Variants in CAST observed in about 807,000 individuals in gnomAD.
CAST encodes the protein calpastatin, also known as MIR583 host.
In CAST, 76 loss-of-function variants were observed where a neutral mutation model predicts 119.6. The ratio of observed to expected loss-of-function variants is 0.64; its 90% CI spans 0.53 to 0.77. CAST has a LOEUF of 0.77. Among genes scored for constraint, CAST ranks in the 30% least tolerant of loss-of-function variants. CAST has a pLI of 0.00. For missense variants in CAST, 953 were observed against 946.5 expected, an observed-to-expected ratio of 1.01 and a Z score of -0.09; for synonymous variants, 319 against 331.6, an observed-to-expected ratio of 0.96 and a Z score of 0.41.
At chr5:95,975,456 G>A in the CAST span, among the ~76,000 whole-genome samples, 6 of 152,200 alleles carry the variant, frequency 3.9e-5, no homozygotes, top group Middle Eastern at 3.4e-3. Context: ...ACCCTGACTC[G>A]TTTCTCAAAA....
the CAST span, among the ~76,000 whole-genome samples, chr5:96,413,171 C>T: frequency 6.6e-6 from 1 of 152,186 alleles, no homozygotes; most frequent in Non-Finnish European, 1.5e-5. Context: ...AACATGCTTC[C>T]TATTCTTCTA....
At chr5:96,681,833 C>T (rs934709866) in intron 2 of CAST, among the ~76,000 whole-genome samples, 1 of 148,602 alleles carries the variant, frequency 6.7e-6, no homozygotes, top group Admixed American at 6.7e-5. Flanking sequence ...TTCATTATTT[C>T]TTTAATTATT....
the CAST span, among the ~76,000 whole-genome samples, chr5:96,152,108 G>A: frequency 6.6e-6 from 1 of 152,206 alleles, no homozygotes; most frequent in Non-Finnish European, 1.5e-5. Flanking sequence ...TTATGTGTAA[G>A]AGATAGAAAA....
the CAST span, among the ~76,000 whole-genome samples, chr5:96,362,102 C>A: frequency 3.3e-5 from 5 of 151,884 alleles, no homozygotes; most frequent in African/African-American, 4.8e-5. Flanking sequence ...TCTGTCCTTG[C>A]GATAGTTTGC....
At chr5:96,661,248 C>T (rs780065207), upstream of CAST, among the ~76,000 whole-genome samples, 1 of 127,568 alleles carries the variant, frequency 7.8e-6, no homozygotes, top group African/African-American at 3.1e-5. Context: ...GAAACCCCGT[C>T]TCTACCATTA....
chr5:96,755,607 G>A (rs1289939866), intron 22 of CAST, among the ~76,000 whole-genome samples: 1 of 152,286 alleles, frequency 6.6e-6, no homozygotes, highest in African/African-American at 2.4e-5. Context: ...CTTTGTAGCA[G>A]GCCAGGATTT....
At chr5:96,130,419 TG>T in the CAST span, among the ~76,000 whole-genome samples, 3 of 149,130 alleles carry the variant, frequency 2.0e-5, no homozygotes, top group African/African-American at 7.4e-5. Context: ...GTCTCCTGGA[TG>T]GTACTCAGGA....
chr5:96,064,894 T>C, the CAST span, among the ~76,000 whole-genome samples: 1 of 152,164 alleles, frequency 6.6e-6, no homozygotes, highest in Non-Finnish European at 1.5e-5. Flanking sequence ...TAAACCAGCA[T>C]AAAAATTAAC....
intron 22 of CAST, 26 bp from the exon 23 acceptor site, chr5:96,757,418 T>C (rs371318419): frequency 2.8e-5 from 45 of 1,606,500 alleles, no homozygotes; most frequent in Non-Finnish European, 3.5e-5. Flanking sequence ...AATGATTTCA[T>C]GCCATGTGTT....
chr5:96,644,595 AGTTTCAATTTCCCCTGATGTTAT>A (rs1747993778), intron 1 of CAST, among the ~76,000 whole-genome samples: 1 of 152,208 alleles, frequency 6.6e-6, no homozygotes, highest in South Asian at 2.1e-4. Context: ...ATCCTCACTC[AGTTTCAATTTCCCCTGATGTTAT>A]CATCTTACAT....
At chr5:96,370,946 T>A in the CAST span, among the ~76,000 whole-genome samples, 1 of 152,152 alleles carries the variant, frequency 6.6e-6, no homozygotes, top group African/African-American at 2.4e-5. Flanking sequence ...CAAGTTAATG[T>A]CCACAATACA....
At chr5:96,633,631 C>A (rs1223490756) in intron 1 of CAST, among the ~76,000 whole-genome samples, 1 of 152,194 alleles carries the variant, frequency 6.6e-6, no homozygotes, top group African/African-American at 2.4e-5. Flanking sequence ...TTACAATATT[C>A]CAAAGGCCAA....
chr5:96,208,561 T>G, the CAST span, among the ~76,000 whole-genome samples: 1 of 152,026 alleles, frequency 6.6e-6, no homozygotes, highest in Non-Finnish European at 1.5e-5. Context: ...ATTTCCTGAT[T>G]TTTGCTTTAA....
intron 20 of CAST, among the ~76,000 whole-genome samples, chr5:96,752,884 T>C (rs538350903): frequency 2.0e-5 from 3 of 151,892 alleles, no homozygotes; most frequent in Admixed American, 2.0e-4. Flanking sequence ...TTCATTGATA[T>C]TGCAACCCCA....
the CAST span, among the ~76,000 whole-genome samples, chr5:96,346,417 G>A: frequency 6.6e-6 from 1 of 152,080 alleles, no homozygotes; most frequent in Non-Finnish European, 1.5e-5. Context: ...AATGGATTTG[G>A]CTTTTGTCAC....
chr5:96,334,707 C>A, the CAST span, among the ~76,000 whole-genome samples: 92 of 152,238 alleles, frequency 6.0e-4, no homozygotes, highest in African/African-American at 2.0e-3. Flanking sequence ...CAAACAAAAG[C>A]CTAGGATGGA....
chr5:96,535,825 G>A (rs1371679286), intron 1 of CAST, among the ~76,000 whole-genome samples: 10 of 150,386 alleles, frequency 6.6e-5, no homozygotes, highest in Non-Finnish European at 1.0e-4. Context: ...CTCCCGCCTC[G>A]GCCTCCCAAA....
chr5:96,539,134 C>CA (rs1745870661), intron 1 of CAST, among the ~76,000 whole-genome samples: 1 of 152,128 alleles, frequency 6.6e-6, no homozygotes, highest in Non-Finnish European at 1.5e-5. Context: ...GTCAAAATAT[C>CA]ACCATTTTTT....
Position 96,586,489 on chromosome 5 carries a change from G to A in CAST, c.60+56609G>A, listed in dbSNP as rs188155224. Among the ~76,000 whole-genome samples the A allele has an allele frequency of 2.9e-3, 435 of 152,330 alleles. 2 individuals are homozygous for A. The highest frequency in any genetic ancestry group is 0.01 in the African/African-American group (419 of 41,580). Reference sequence around the variant, plus strand: ...ATAGTTATAGCCACAAGACAGAAGAGAAGCCACATTTCCTATCCTGGGAGT... The same window carrying A: ...ATAGTTATAGCCACAAGACAGAAGAAAAGCCACATTTCCTATCCTGGGAGT... On this transcript the variant is annotated intron_variant, in intron 1 of 11. Transcript: ENST00000505143.
Sources: allele counts gnomAD v4.1 joint callset (sites outside exome capture counted in the v4.1 genomes callset), GRCh38; gene constraint gnomAD v4.1.1; transcripts MANE v1.5; gene names NCBI Gene and HGNC (gene_info 2026-07-23, HGNC 2026-07-21).